The following ZFYVE19 variants were observed in gnomAD, a reference collection of about 807,000 sequenced individuals.
ZFYVE19 encodes abscission/NoCut checkpoint regulator.
ZFYVE19 carries 49 observed loss-of-function variants against 62.8 expected under a neutral mutation model. That is an observed-to-expected ratio of 0.78 (90% CI 0.62 to 0.99). ZFYVE19 has a LOEUF of 0.99. Ranked by LOEUF, ZFYVE19 falls within the 50% of genes least tolerant of loss-of-function variation. ZFYVE19 has a pLI of 0.00. For missense variants in ZFYVE19, 630 were observed against 601.9 expected (o/e 1.05, Z -0.49); for synonymous variants, 242 against 234.3 (o/e 1.03, Z -0.30).
intron 1 of ZFYVE19, chr15:40,808,368 G>C: frequency 6.3e-7 from 1 of 1,596,974 alleles, no homozygotes; most frequent in Non-Finnish European, 8.5e-7. Flanking sequence ...GATTCCTCTG[G>C]TAAACTGCAG....
At chr15:40,812,172 A>G (rs1376421997) in intron 6 of ZFYVE19, among the ~76,000 whole-genome samples, 1 of 152,248 alleles carries the variant, frequency 6.6e-6, no homozygotes, top group Admixed American at 6.5e-5. Flanking sequence ...ACATTTGGAA[A>G]AATGGAGGAA....
In ZFYVE19 at chr15:40,813,947, A is replaced by G. The variant is rs1890585535; in HGVS notation, c.1214A>G (p.Gln405Arg). ...ATTCCTCTCTGATCCCTGAAGGCCC[A>G]GGATGTGGACCCCAGGCCTGAGGCT... Reference protein sequence around the residue: ...TQPRGAEPEAQDVDPRPEAEE... With the variant: ...TQPRGAEPEARDVDPRPEAEE... Residue 405 changes from glutamine to arginine, a missense_variant, in exon 10 of 11, where the codon CAG (glutamine) becomes CGG (arginine). Coordinates refer to ENST00000355341, the MANE Select transcript of ZFYVE19 (RefSeq NM_001077268.2). 1 of 1,607,268 alleles carries G rather than the reference A, an allele frequency of 6.2e-7. No homozygotes were observed. Among genetic ancestry groups the G allele is most frequent in the African/African-American group, 1.3e-5 (1 of 74,908 alleles).
Position 40,813,780 on chromosome 15 carries a change from C to T in ZFYVE19, c.1178C>T (p.Pro393Leu), listed in dbSNP as rs368632894. The change falls in exon 9 of 11, where the codon CCC (proline) becomes CTC (leucine). Residue 393 changes from proline to leucine, a missense_variant. Pro to Leu is a moderately conservative substitution (Grantham distance 98). Transcript: ENST00000355341. ...FNIPAEQASR[P>L]WTQPRGAEPE... is the part of the protein sequence containing the mutation. ...ATCCCTGCAGAGCAGGCTTCTCGACCCTGGACGCAACCCCGCGGGGCAGAG... is the reference window on the plus strand; with the variant it reads ...ATCCCTGCAGAGCAGGCTTCTCGACTCTGGACGCAACCCCGCGGGGCAGAG... 8 of 1,614,054 alleles carry T rather than the reference C, an allele frequency of 5.0e-6. No homozygotes were observed. The South Asian group carries it at 7.7e-5, about 16-fold the overall frequency.
At chr15:40,813,196 A>G in intron 7 of ZFYVE19, 142 bp from the exon 8 acceptor site, 1 of 772,072 alleles carries the variant, frequency 1.3e-6, no homozygotes, top group Non-Finnish European at 2.1e-6. Flanking sequence ...ACAGGTCATC[A>G]GGGTGGCTGA....
Position 40,807,483 on chromosome 15 carries a change from G to A in ZFYVE19, c.-107G>A. 6.2e-7 allele frequency: 1 copy of A among 1,613,048 alleles called. No individual in the cohort carries two copies. The highest frequency in any genetic ancestry group is 8.5e-7 in the Non-Finnish European group (1 of 1,179,136). Reference sequence around the variant, plus strand: ...GACGGATTCGTACTACAACTCCCAAGAGTCTAAGCGCGCGTGAGGACTGCA... The same window carrying A: ...GACGGATTCGTACTACAACTCCCAAAAGTCTAAGCGCGCGTGAGGACTGCA... On this transcript the variant is annotated 5_prime_UTR_variant, in exon 1 of 11. Transcript: ENST00000355341.
chr15:40,812,150 TA>T (rs1317291485), intron 6 of ZFYVE19, among the ~76,000 whole-genome samples: 1 of 152,218 alleles, frequency 6.6e-6, no homozygotes, highest in African/African-American at 2.4e-5. Flanking sequence ...TGGGTAAAAT[TA>T]TTAGTTTTTT....
At position 40,807,247 on chromosome 15, in the gene ZFYVE19, C is replaced by G. The variant is rs776150648; in HGVS notation, c.-343C>G. On this transcript the variant is annotated 5_prime_UTR_variant, in exon 1 of 11. Coordinates refer to ENST00000355341, the MANE Select transcript of ZFYVE19 (RefSeq NM_001077268.2). ...CCGCCTGCGGAGGGCATAGCGCCGA[C>G]CCTCGCTCCCCGCCCAGGACCCGAA... 4 of 1,579,314 alleles carry G rather than the reference C, an allele frequency of 2.5e-6. No individual in the cohort carries two copies. In the African/African-American group the frequency reaches 5.4e-5, roughly 21 times the overall value.
At chr15:40,807,945 T>C in intron 1 of ZFYVE19, 77 bp downstream of exon 1, 1 of 1,517,460 alleles carries the variant, frequency 6.6e-7, no homozygotes. Flanking sequence ...GTCCAAAGAC[T>C]TGGTCTTACG....
rs1364947122 is a variant in ZFYVE19, at chr15:40,810,134, G to A, written c.635G>A (p.Gly212Asp). Residue 212 changes from glycine (G) to aspartate (D), a missense_variant, in exon 5 of 11, where the codon GGT becomes GAT. Gly to Asp is a moderately conservative substitution (Grantham distance 94). Transcript: ENST00000355341. The stretch of plus-strand genomic sequence containing the variant: ...GCTGCCCTAAAGGATGAACGTCAGG[G>A]TTCCATCCCTTCCACCCAGGAAATG... ...RLAALKDERQ[G>D]SIPSTQEMEA... 2 of 1,614,116 alleles carry A rather than the reference G, an allele frequency of 1.2e-6. No individual in the cohort carries two copies. Among genetic ancestry groups the A allele is most frequent in the Non-Finnish European group, 1.7e-6 (2 of 1,180,040 alleles).
Position 40,807,234 on chromosome 15 carries a change from G to A in ZFYVE19, c.-356G>A. 2.6e-6 allele frequency: 4 copies of A among 1,557,842 alleles called. No individual in the cohort carries two copies. In the South Asian group the frequency reaches 4.7e-5, roughly 18 times the overall value. On this transcript the variant is annotated 5_prime_UTR_variant, in exon 1 of 11. Coordinates refer to ENST00000355341, the MANE Select transcript of ZFYVE19 (RefSeq NM_001077268.2). ...AATGTCTGGGAGCCCGCCTGCGGAG[G>A]GCATAGCGCCGACCCTCGCTCCCCG...
At position 40,810,075 on chromosome 15, in the gene ZFYVE19, A is replaced by G; in HGVS notation, c.576A>G (p.Leu192=). 6.2e-7 allele frequency: 1 copy of G among 1,614,188 alleles called. No homozygotes were observed. The highest frequency in any genetic ancestry group is 1.3e-5 in the African/African-American group (1 of 75,064). The change falls in exon 5 of 11, where the codon TTA becomes TTG. Residue 192 remains leucine (L), a synonymous_variant. Transcript: ENST00000355341. ...ARLRQENKPK[L]VPSQAEIEAR... Reference sequence around the variant, plus strand: ...CTCCCCCCATGCCAATTGCAGAGTTAGTCCCCTCACAGGCAGAGATAGAGG... The same window carrying G: ...CTCCCCCCATGCCAATTGCAGAGTTGGTCCCCTCACAGGCAGAGATAGAGG...
intron 1 of ZFYVE19, chr15:40,808,435 A>G: frequency 6.3e-7 from 1 of 1,581,586 alleles, no homozygotes; most frequent in Non-Finnish European, 8.6e-7. Flanking sequence ...TGGGAACTAG[A>G]TGGAGTAAAT....
At position 40,810,638 on chromosome 15, in the gene ZFYVE19, C is replaced by T. The variant is rs372980731; in HGVS notation, c.718-11C>T. The T allele has an allele frequency of 1.2e-5, 19 of 1,557,328 alleles. No individual in the cohort carries two copies. The highest frequency in any genetic ancestry group is 5.9e-5 in the South Asian group (5 of 84,284). On this transcript the variant is annotated splice_polypyrimidine_tract_variant and intron_variant, in intron 5 of 10. Coordinates refer to ENST00000355341, the MANE Select transcript of ZFYVE19 (RefSeq NM_001077268.2). ...CCCCTGCTCTCCACTGAGGTTTCCT[C>T]GTCTGTGCAGGCACATCACACACCG...
intron 6 of ZFYVE19, 153 bp downstream of exon 6, chr15:40,810,910 G>C: frequency 2.1e-6 from 2 of 954,892 alleles, no homozygotes; most frequent in Non-Finnish European, 3.0e-6. Flanking sequence ...TCCAAAGGGA[G>C]CCAGTGTAAG....
chr15:40,814,690 CTCCA>C lies in ZFYVE19; in HGVS notation c.*465_*468del. The C allele has an allele frequency of 5.4e-6, 1 of 184,866 alleles. No homozygotes were observed. Among genetic ancestry groups the C allele is most frequent in the East Asian group, 1.5e-4 (1 of 6,728 alleles). 11.5% of individuals were successfully genotyped at this position (184,866 alleles called of 1,614,324 possible). ...AAAGGTTGAGCCATCCTATGAACTTCTCCAGGCAGGAACAGCCCTACCCATCCTG... is the reference window on the plus strand; with the variant it reads ...AAAGGTTGAGCCATCCTATGAACTTCGGCAGGAACAGCCCTACCCATCCTG... On this transcript the variant is annotated 3_prime_UTR_variant, in exon 11 of 11. Coordinates refer to ENST00000355341, the MANE Select transcript of ZFYVE19 (RefSeq NM_001077268.2).
In ZFYVE19 at chr15:40,807,464, T is replaced by C; in HGVS notation, c.-126T>C. 6.2e-7 allele frequency: 1 copy of C among 1,614,144 alleles called. No homozygotes were observed. Among genetic ancestry groups the C allele is most frequent in the South Asian group, 1.1e-5 (1 of 91,086 alleles). The stretch of plus-strand genomic sequence containing the variant: ...ACTGCCATGGTTCCGGCCTGACGGA[T>C]TCGTACTACAACTCCCAAGAGTCTA... On this transcript the variant is annotated 5_prime_UTR_variant, in exon 1 of 11. Coordinates refer to ENST00000355341, the MANE Select transcript of ZFYVE19 (RefSeq NM_001077268.2).
intron 3 of ZFYVE19, 48 bp downstream of exon 3, chr15:40,809,506 G>A (rs1326303201): frequency 6.2e-7 from 1 of 1,600,470 alleles, no homozygotes; most frequent in Admixed American, 1.7e-5. Context: ...AAAGGATAAG[G>A]GAGCCATAGG....
intron 7 of ZFYVE19, 26 bp from the exon 8 acceptor site, chr15:40,813,312 C>T: frequency 6.2e-7 from 1 of 1,609,284 alleles, no homozygotes; most frequent in Non-Finnish European, 8.5e-7. Context: ...TCCCCCATCC[C>T]CTGTTCCCAT....
intron 10 of ZFYVE19, 33 bp downstream of exon 10, chr15:40,814,103 T>C: frequency 6.2e-7 from 1 of 1,614,130 alleles, no homozygotes; most frequent in Non-Finnish European, 8.5e-7. Context: ...GTGCGAGAGC[T>C]CAAGGGCTGC....
Sources: allele counts gnomAD v4.1 joint callset (sites outside exome capture counted in the v4.1 genomes callset), GRCh38; gene constraint gnomAD v4.1.1; transcripts MANE v1.5; gene names NCBI Gene and HGNC (gene_info 2026-07-23, HGNC 2026-07-21).